MECOM: variants seen among roughly 807,000 people sequenced by gnomAD.
The protein encoded by MECOM is MDS1 and EVI1 complex locus.
MECOM carries 13 observed loss-of-function variants against 116.3 expected under a neutral mutation model. The observed-to-expected ratio is 0.11, with a 90% CI of 0.07 to 0.18. The LOEUF is 0.18. Ranked by LOEUF, MECOM falls within the 10% of genes least tolerant of loss-of-function variation. The pLI is 1.00. For missense variants in MECOM, 1,299 were observed against 1,509.0 expected (o/e 0.86, Z 2.31); for synonymous variants, 528 against 535.2 (o/e 0.99, Z 0.19).
intron 1 of MECOM, among the ~76,000 whole-genome samples, chr3:169,486,247 C>A (rs190923892): frequency 6.6e-6 from 1 of 151,618 alleles, no homozygotes; most frequent in East Asian, 1.9e-4. Flanking sequence ...TAAGTTGAGT[C>A]TTTAATAATA....
intron 1 of MECOM, among the ~76,000 whole-genome samples, chr3:169,496,891 T>G (rs981834519): frequency 6.6e-6 from 1 of 151,932 alleles, no homozygotes; most frequent in African/African-American, 2.4e-5. Context: ...TACAGAAAAA[T>G]TTTCTTTGGG....
At chr3:169,217,776 T>A (rs1751594064) in intron 2 of MECOM, among the ~76,000 whole-genome samples, 1 of 151,524 alleles carries the variant, frequency 6.6e-6, no homozygotes. Flanking sequence ...AGAGCGAGAC[T>A]CCATCTCAAA....
chr3:169,206,719 T>A (rs1330505467), intron 2 of MECOM, among the ~76,000 whole-genome samples: 1 of 144,816 alleles, frequency 6.9e-6, no homozygotes, highest in Non-Finnish European at 1.5e-5. Context: ...CACCACGCAC[T>A]CCAGCATGGG....
chr3:169,404,127 T>C (rs573638762), intron 1 of MECOM, among the ~76,000 whole-genome samples: 2 of 152,304 alleles, frequency 1.3e-5, no homozygotes, highest in African/African-American at 4.8e-5. Flanking sequence ...TGCTTTTCTA[T>C]AGAACTAGAC....
intron 1 of MECOM, among the ~76,000 whole-genome samples, chr3:169,449,882 C>T (rs933820102): frequency 6.6e-6 from 1 of 152,144 alleles, no homozygotes; most frequent in Non-Finnish European, 1.5e-5. Flanking sequence ...GTAGCATATT[C>T]CCTCTAATTC....
At chr3:169,565,404 C>T (rs1330044552) in intron 1 of MECOM, among the ~76,000 whole-genome samples, 1 of 152,160 alleles carries the variant, frequency 6.6e-6, no homozygotes, top group Non-Finnish European at 1.5e-5. Context: ...TTCCTCGGAT[C>T]CACTGCCCCC....
chr3:169,484,215 G>C, intron 1 of MECOM: 1 of 577,168 alleles, frequency 1.7e-6, no homozygotes, highest in East Asian at 2.9e-5. Context: ...GTAAATATGT[G>C]AATGTTTATA....
chr3:169,307,643 CT>C (rs1717968311), intron 2 of MECOM, among the ~76,000 whole-genome samples: 1 of 152,158 alleles, frequency 6.6e-6, no homozygotes, highest in African/African-American at 2.4e-5. Flanking sequence ...AAATGGCCTC[CT>C]GTTAAATTTT....
At chr3:169,571,861 C>T (rs995163594) in intron 1 of MECOM, among the ~76,000 whole-genome samples, 44 of 152,104 alleles carry the variant, frequency 2.9e-4, no homozygotes, top group Non-Finnish European at 4.0e-4. Context: ...AAAACTTAAA[C>T]GTGAGACCTA....
intron 1 of MECOM, among the ~76,000 whole-genome samples, chr3:169,655,109 AC>A (rs10711736): frequency 0.19 from 29,638 of 151,992 alleles, 5,829 homozygotes; most frequent in African/African-American, 0.51. Flanking sequence ...AAAGTGGAAG[AC>A]CTGGCGGCCC....
chr3:169,265,989 T>C (rs896219394), intron 2 of MECOM, among the ~76,000 whole-genome samples: 1 of 152,202 alleles, frequency 6.6e-6, no homozygotes, highest in African/African-American at 2.4e-5. Context: ...CTCTTTGATG[T>C]CTTCAGAGTT....
chr3:169,320,512 G>A (rs1385927458), intron 2 of MECOM, among the ~76,000 whole-genome samples: 3 of 152,168 alleles, frequency 2.0e-5, no homozygotes, highest in African/African-American at 7.2e-5. Context: ...CCAGGTTCTA[G>A]TCACAGATCT....
At chr3:169,356,536 A>T (rs1049387993) in intron 2 of MECOM, among the ~76,000 whole-genome samples, 2 of 152,028 alleles carry the variant, frequency 1.3e-5, no homozygotes, top group Middle Eastern at 3.4e-3. Context: ...AACATAAGAC[A>T]AAAAAGTGGG....
intron 1 of MECOM, among the ~76,000 whole-genome samples, chr3:169,541,265 A>G (rs1005908645): frequency 2.6e-5 from 4 of 152,204 alleles, no homozygotes; most frequent in African/African-American, 9.6e-5. Flanking sequence ...GAAACACACA[A>G]AGGGAGATTA....
intron 12 of MECOM, among the ~76,000 whole-genome samples, chr3:169,098,418 T>A (rs1576891073): frequency 6.6e-6 from 1 of 152,326 alleles, no homozygotes; most frequent in East Asian, 1.9e-4. Flanking sequence ...TCTGATATTT[T>A]CTCATTATTA....
At chr3:169,239,082 T>A (rs1194157459) in intron 2 of MECOM, among the ~76,000 whole-genome samples, 1 of 152,176 alleles carries the variant, frequency 6.6e-6, no homozygotes, top group African/African-American at 2.4e-5. Context: ...ATATGTTACA[T>A]GTGAACTGCT....
intron 1 of MECOM, among the ~76,000 whole-genome samples, chr3:169,560,638 G>T (rs1264966860): frequency 1.3e-5 from 2 of 151,904 alleles, no homozygotes; most frequent in East Asian, 3.8e-4. Context: ...ATAAATGACA[G>T]AAATACTCAA....
chr3:169,441,725 C>T (rs1743712165), intron 1 of MECOM, among the ~76,000 whole-genome samples: 2 of 137,684 alleles, frequency 1.5e-5, no homozygotes. Flanking sequence ...TTCTTCTTCT[C>T]TTCTTTTTTT....
At chr3:169,112,161 A>G (rs1727621491) in intron 9 of MECOM, among the ~76,000 whole-genome samples, 1 of 152,156 alleles carries the variant, frequency 6.6e-6, no homozygotes, top group Admixed American at 6.6e-5. Flanking sequence ...TAAATGTATA[A>G]GGACTTTAGG....
Sources: gnomAD v4.1 joint callset for allele counts (sites outside exome capture counted in the v4.1 genomes callset) on GRCh38, gnomAD v4.1.1 for gene constraint, MANE v1.5 for transcripts, NCBI Gene and HGNC (gene_info 2026-07-23, HGNC 2026-07-21) for gene names.